The following GPHN variants were observed in gnomAD, a reference collection of about 807,000 sequenced individuals.
GPHN encodes gephyrin.
In GPHN, 17 loss-of-function variants were observed where a neutral mutation model predicts 95.5. That is an observed-to-expected ratio of 0.18 (90% confidence interval 0.12 to 0.27). The LOEUF (loss-of-function observed/expected upper bound fraction) is 0.27, where lower values mean the gene tolerates loss of function less well. Ranked by LOEUF, GPHN falls within the 10% of genes least tolerant of loss-of-function variation. GPHN has a pLI of 1.00. For missense variants in GPHN, 660 were observed against 978.1 expected (o/e 0.67, Z 4.34); for synonymous variants, 320 against 322.5 (o/e 0.99, Z 0.08).
At chr14:66,521,465 T>C (rs2036104773) in intron 1 of GPHN, among the ~76,000 whole-genome samples, 1 of 152,150 alleles carries the variant, frequency 6.6e-6, no homozygotes, top group South Asian at 2.1e-4. Context: ...TAGTGTGGGC[T>C]GCTATAGCAA....
At chr14:66,929,802 C>T (rs1048664013) in intron 8 of GPHN, among the ~76,000 whole-genome samples, 1 of 151,944 alleles carries the variant, frequency 6.6e-6, no homozygotes, top group South Asian at 2.1e-4. Flanking sequence ...GTCTCTGCCT[C>T]CCGGGTTCAC....
At chr14:66,509,186 T>C (rs2057927897) in intron 1 of GPHN, 1 of 154,784 alleles carries the variant, frequency 6.5e-6, no homozygotes, top group South Asian at 2.0e-4. Context: ...CCTCGGGGGA[T>C]GGGGGATCGG....
the GPHN span, chr14:67,393,360 A>T: frequency 5.3e-6 from 4 of 757,526 alleles, no homozygotes; most frequent in African/African-American, 6.8e-5. Flanking sequence ...CACACATCAC[A>T]AAGAAAAGGG....
chr14:67,258,990 G>T, the GPHN span, among the ~76,000 whole-genome samples: 32 of 151,748 alleles, frequency 2.1e-4, no homozygotes, highest in East Asian at 3.4e-3. Context: ...CTACAGGCGC[G>T]TGCCACCATG....
the GPHN span, among the ~76,000 whole-genome samples, chr14:67,351,263 G>A: frequency 6.6e-6 from 1 of 152,064 alleles, no homozygotes; most frequent in Non-Finnish European, 1.5e-5. Flanking sequence ...ATTTAGTAAA[G>A]AGACCACTCT....
chr14:67,094,540 G>A (rs1344649237), intron 12 of GPHN, among the ~76,000 whole-genome samples: 1 of 152,088 alleles, frequency 6.6e-6, no homozygotes, highest in African/African-American at 2.4e-5. Context: ...TTCTAATGAC[G>A]TACTGTGGTT....
intron 1 of GPHN, among the ~76,000 whole-genome samples, chr14:66,562,400 A>G (rs1033125482): frequency 6.6e-6 from 1 of 152,292 alleles, no homozygotes; most frequent in Admixed American, 6.5e-5. Flanking sequence ...TACAATATAT[A>G]CATATATCAA....
the GPHN span, among the ~76,000 whole-genome samples, chr14:67,475,483 C>A: frequency 6.6e-6 from 1 of 152,298 alleles, no homozygotes; most frequent in South Asian, 2.1e-4. Flanking sequence ...TCCACAGTGG[C>A]CACACCATTT....
At chr14:67,717,103 T>C in the GPHN span, among the ~76,000 whole-genome samples, 3 of 152,124 alleles carry the variant, frequency 2.0e-5, no homozygotes, top group Non-Finnish European at 1.5e-5. Context: ...CATGTATATA[T>C]ATCATTCATT....
At chr14:67,188,846 CT>C in the GPHN span, among the ~76,000 whole-genome samples, 3 of 140,048 alleles carry the variant, frequency 2.1e-5, no homozygotes, top group African/African-American at 8.0e-5. Flanking sequence ...TCTTTTCTTT[CT>C]TTTTCTTTCT....
At chr14:67,556,145 T>G in the GPHN span, among the ~76,000 whole-genome samples, 1 of 152,232 alleles carries the variant, frequency 6.6e-6, no homozygotes, top group Non-Finnish European at 1.5e-5. Flanking sequence ...GTTTATCACA[T>G]TTAGTTCTCA....
the GPHN span, among the ~76,000 whole-genome samples, chr14:67,541,156 G>T: frequency 1.3e-5 from 2 of 152,204 alleles, no homozygotes; most frequent in Non-Finnish European, 1.5e-5. Context: ...ATAGAAGATT[G>T]TCAAAGACAT....
chr14:67,695,126 A>C, the GPHN span, among the ~76,000 whole-genome samples: 1 of 152,140 alleles, frequency 6.6e-6, no homozygotes, highest in Non-Finnish European at 1.5e-5. Flanking sequence ...TTTCTCCTTT[A>C]CAACATCCGC....
At chr14:67,398,683 A>C in the GPHN span, among the ~76,000 whole-genome samples, 1 of 151,382 alleles carries the variant, frequency 6.6e-6, no homozygotes, top group Non-Finnish European at 1.5e-5. Flanking sequence ...CTACTTCCCG[A>C]GTGGCTGGGA....
the GPHN span, among the ~76,000 whole-genome samples, chr14:67,486,792 G>A: frequency 1.6e-4 from 25 of 152,300 alleles, no homozygotes; most frequent in South Asian, 1.7e-3. Flanking sequence ...GTCTGGCCTG[G>A]ATTTTAGAGG....
chr14:67,132,658 T>C (rs1033674819), intron 17 of GPHN, among the ~76,000 whole-genome samples: 2 of 152,056 alleles, frequency 1.3e-5, no homozygotes, highest in Non-Finnish European at 2.9e-5. Context: ...TGCCCTCCTT[T>C]ATCTTTAAGC....
intron 21 of GPHN, among the ~76,000 whole-genome samples, chr14:67,178,425 G>C (rs190497593): frequency 2.0e-5 from 3 of 152,320 alleles, no homozygotes; most frequent in Middle Eastern, 3.4e-3. Context: ...TCTGCTGAGA[G>C]ATCCACTGTT....
At chr14:66,955,739 G>T (rs570713387) in intron 8 of GPHN, among the ~76,000 whole-genome samples, 1 of 151,616 alleles carries the variant, frequency 6.6e-6, no homozygotes, top group African/African-American at 2.4e-5. Context: ...GGTATGTGAT[G>T]TTCCCCTTCC....
At chr14:67,465,541 G>T in the GPHN span, among the ~76,000 whole-genome samples, 1 of 152,234 alleles carries the variant, frequency 6.6e-6, no homozygotes, top group East Asian at 1.9e-4. Flanking sequence ...AACAGGTACA[G>T]GTATATCTTG....
Sources: gnomAD v4.1 joint callset for allele counts (sites outside exome capture counted in the v4.1 genomes callset) on GRCh38, gnomAD v4.1.1 for gene constraint, MANE v1.5 for transcripts, NCBI Gene and HGNC (gene_info 2026-07-23, HGNC 2026-07-21) for gene names.